GPX7: variants seen among roughly 807,000 people sequenced by gnomAD.
GPX7 encodes glutathione peroxidase 7.
GPX7 carries 21 observed loss-of-function variants against 23.7 expected under a neutral mutation model. The observed-to-expected ratio is 0.89, with a 90% CI of 0.63 to 1.28. The LOEUF (loss-of-function observed/expected upper bound fraction) is 1.28. Among genes scored for constraint, GPX7 ranks in the 50% most tolerant of loss-of-function variants. GPX7 has a pLI of 0.00. For missense variants in GPX7, 238 were observed against 237.3 expected, an observed-to-expected ratio of 1.00 and a Z score of -0.02; for synonymous variants, 112 against 101.8, an observed-to-expected ratio of 1.10 and a Z score of -0.61.
chr1:52,606,713 G>A lies in GPX7; in HGVS notation c.168G>A (p.Glu56=). 1 of 1,614,004 alleles carries A rather than the reference G, an allele frequency of 6.2e-7. No homozygotes were observed. Among genetic ancestry groups the A allele is most frequent in the East Asian group, 2.2e-5 (1 of 44,878 alleles). ...SVSLVVNVAS[E]CGFTDQHYRA... The stretch of plus-strand genomic sequence containing the variant: ...CCCTGGTGGTGAATGTGGCCAGCGA[G>A]TGCGGCTTCACAGACCAGCACTACC... The change falls in exon 2 of 3, where the codon GAG becomes GAA. Residue 56 remains glutamate, a synonymous_variant. Coordinates refer to ENST00000361314, the MANE Select transcript of GPX7 (RefSeq NM_015696.5).
chr1:52,608,547 T>C lies in GPX7; in HGVS notation c.*122T>C. ...CTCTCCTTCCTTTACTCTTATGCCA[T>C]TGGTCCCATCATTCTTGTGGGGGAA... On this transcript the variant is annotated 3_prime_UTR_variant, in exon 3 of 3. Transcript: ENST00000361314. 1 of 761,068 alleles carries C rather than the reference T, an allele frequency of 1.3e-6. No homozygotes were observed. The highest frequency in any genetic ancestry group is 1.9e-6 in the Non-Finnish European group (1 of 515,396). The allele number at this position is 761,068 out of a possible 1,614,324, so 47.1% of individuals were successfully genotyped here.
chr1:52,604,113 A>C (rs887382983), intron 1 of GPX7, among the ~76,000 whole-genome samples: 1 of 152,230 alleles, frequency 6.6e-6, no homozygotes, highest in African/African-American at 2.4e-5. Flanking sequence ...GAAAGACAAT[A>C]AACAAGGAAC....
intron 2 of GPX7, among the ~76,000 whole-genome samples, 175 bp from the exon 3 acceptor site, chr1:52,608,087 C>T (rs1422029263): frequency 6.6e-6 from 1 of 152,176 alleles, no homozygotes; most frequent in African/African-American, 2.4e-5. Flanking sequence ...TCCCAGGGGG[C>T]TTTTGAAAAA....
At chr1:52,607,289 T>C (rs36040857) in intron 2 of GPX7, 3,227 of 277,512 alleles carry the variant, frequency 0.012, 102 homozygotes, top group African/African-American at 0.063. Context: ...TATGGACATA[T>C]GATGGAGAAA....
At position 52,608,571 on chromosome 1, in the gene GPX7, A is replaced by G. The variant is rs758332690; in HGVS notation, c.*146A>G. ...ATTGGTCCCATCATTCTTGTGGGGGAAAAATTCTAGTATTTTGATTATTTG... is the reference window on the plus strand; with the variant it reads ...ATTGGTCCCATCATTCTTGTGGGGGGAAAATTCTAGTATTTTGATTATTTG... On this transcript the variant is annotated 3_prime_UTR_variant, in exon 3 of 3. Transcript: ENST00000361314. 6.1e-5 allele frequency: 35 copies of G among 570,310 alleles called. No individual in the cohort carries two copies. Among genetic ancestry groups the G allele is most frequent in the Non-Finnish European group, 8.8e-5 (32 of 365,250 alleles). The allele number at this position is 570,310 out of a possible 1,614,324, so 35.3% of individuals were successfully genotyped here.
intron 1 of GPX7, 111 bp from the exon 2 acceptor site, chr1:52,606,573 C>A: frequency 8.5e-7 from 1 of 1,173,176 alleles, no homozygotes; most frequent in Non-Finnish European, 1.2e-6. Context: ...ATGTGTGAGG[C>A]AGTATTAACT....
rs1690863824 is a variant in GPX7 at position 52,607,190 on chromosome 1, G to T, written c.400+245G>T. 6 of 550,426 alleles carry T rather than the reference G, an allele frequency of 1.1e-5. No homozygotes were observed. The South Asian group carries it at 1.6e-4, about 14-fold the overall frequency. The allele number at this position is 550,426 out of a possible 1,614,324, so 34.1% of individuals were successfully genotyped here. The stretch of plus-strand genomic sequence containing the variant: ...GCTGCCTCTCACTTGTCCCTCAGAA[G>T]TCACTCTTTTGGACTTTTCTGGGAT... On this transcript the variant is annotated intron_variant, in intron 2 of 2. Transcript: ENST00000361314.
At chr1:52,607,846 T>C (rs897493619) in intron 2 of GPX7, among the ~76,000 whole-genome samples, 2 of 150,554 alleles carry the variant, frequency 1.3e-5, no homozygotes, top group Non-Finnish European at 3.0e-5. Flanking sequence ...TGAGACCTAC[T>C]GAAGCAGGGC....
intron 2 of GPX7, chr1:52,607,229 T>C: frequency 2.1e-6 from 1 of 484,944 alleles, no homozygotes. Flanking sequence ...GTTTTCACAT[T>C]CAGGGGCTCC....
chr1:52,606,678 A>C lies in GPX7; in HGVS notation c.139-6A>C, dbSNP rs760474405. 7 of 1,611,796 alleles carry C rather than the reference A, an allele frequency of 4.3e-6. No individual in the cohort carries two copies. The highest frequency in any genetic ancestry group is 3.3e-4 in the Middle Eastern group (2 of 6,052). ...GGCTTTGTTTTGTTTTGTTTCTGTCATACAGGTGTCCCTGGTGGTGAATGT... is the reference window on the plus strand; with the variant it reads ...GGCTTTGTTTTGTTTTGTTTCTGTCCTACAGGTGTCCCTGGTGGTGAATGT... On this transcript the variant is annotated splice_region_variant and splice_polypyrimidine_tract_variant and intron_variant, in intron 1 of 2. Transcript: ENST00000361314.
chr1:52,602,557 C>T lies in GPX7; in HGVS notation c.138+10C>T. The T allele has an allele frequency of 6.5e-7, 1 of 1,537,218 alleles. No individual in the cohort carries two copies. The highest frequency in any genetic ancestry group is 8.7e-7 in the Non-Finnish European group (1 of 1,144,984). On this transcript the variant is annotated intron_variant, in intron 1 of 2. Coordinates refer to ENST00000361314, the MANE Select transcript of GPX7 (RefSeq NM_015696.5). ...GAAGTACCGCGGATCGGTGAGTGCG[C>T]GGGGTCTGGCGGCGCCGCTGGGCCC...
At position 52,605,225 on chromosome 1, in the gene GPX7, G is replaced by A. The variant is rs1175745673; in HGVS notation, c.139-1459G>A. ...GAGGAGGTTGTTCTAATAGCCAGTG[G>A]CCCCAGGCATGGGTCCTTTCTCACC... On this transcript the variant is annotated intron_variant, in intron 1 of 2. Transcript: ENST00000361314. Among the ~76,000 whole-genome samples the A allele has an allele frequency of 1.4e-4, 22 of 152,006 alleles. 1 individual carries two copies. The highest frequency in any genetic ancestry group is 1.4e-3 in the Admixed American group (22 of 15,236).
chr1:52,603,192 G>A (rs1690820487), intron 1 of GPX7, among the ~76,000 whole-genome samples: 1 of 152,184 alleles, frequency 6.6e-6, no homozygotes, highest in Non-Finnish European at 1.5e-5. Flanking sequence ...GTCCTTAGAT[G>A]GCAGCTCAGG....
Position 52,608,401 on chromosome 1 carries a change from C to T in GPX7, c.540C>T (p.Ile180=). ...PQITALVRKL[I]LLKREDL is the part of the protein sequence containing the mutation. ...TCACAGCGCTCGTGAGGAAGCTCAT[C>T]CTACTGAAGCGAGAAGACTTATAAC... is the stretch of plus-strand genomic sequence containing the variant. The change falls in exon 3 of 3, where the codon ATC becomes ATT. Residue 180 remains isoleucine (I), a synonymous_variant. Transcript: ENST00000361314. 6.2e-7 allele frequency: 1 copy of T among 1,612,732 alleles called. No individual in the cohort carries two copies. Among genetic ancestry groups the T allele is most frequent in the Non-Finnish European group, 8.5e-7 (1 of 1,179,524 alleles).
chr1:52,606,342 T>C lies in GPX7; in HGVS notation c.139-342T>C, dbSNP rs138449983. The stretch of plus-strand genomic sequence containing the variant: ...CCCCAGTCTGTGGATGTGCTGTGTG[T>C]GTGGGCATGTGTGGTGTTTGCTAAC... On this transcript the variant is annotated intron_variant, in intron 1 of 2. Coordinates refer to ENST00000361314, the MANE Select transcript of GPX7 (RefSeq NM_015696.5). 4.4e-3 allele frequency among the ~76,000 whole-genome samples: 667 copies of C among 152,272 alleles called. 5 individuals carry two copies. Among genetic ancestry groups the C allele is most frequent in the African/African-American group, 0.015 (639 of 41,558 alleles).
chr1:52,606,788 G>T lies in GPX7; in HGVS notation c.243G>T (p.Val81=). Residue 81 remains valine (V), a synonymous_variant, in exon 2 of 3, where the codon GTG becomes GTT. Coordinates refer to ENST00000361314, the MANE Select transcript of GPX7 (RefSeq NM_015696.5). ...QRDLGPHHFN[V]LAFPCNQFGQ... is the part of the protein sequence containing the mutation. Reference sequence around the variant, plus strand: ...ACCTGGGCCCCCACCACTTTAACGTGCTCGCCTTCCCCTGCAACCAGTTTG... The same window carrying T: ...ACCTGGGCCCCCACCACTTTAACGTTCTCGCCTTCCCCTGCAACCAGTTTG... 6.2e-7 allele frequency: 1 copy of T among 1,614,192 alleles called. No individual in the cohort carries two copies. The highest frequency in any genetic ancestry group is 1.1e-5 in the South Asian group (1 of 91,084).
chr1:52,606,435 A>G (rs1316669107), intron 1 of GPX7, among the ~76,000 whole-genome samples: 1 of 152,076 alleles, frequency 6.6e-6, no homozygotes, highest in Non-Finnish European at 1.5e-5. Flanking sequence ...ACAGATGTTC[A>G]TGTATGTGTG....
chr1:52,602,541 C>T lies in GPX7; in HGVS notation c.132C>T (p.Arg44=), dbSNP rs753894969. 17 of 1,558,090 alleles carry T rather than the reference C, an allele frequency of 1.1e-5. No individual in the cohort carries two copies. Among genetic ancestry groups the T allele is most frequent in the East Asian group, 2.7e-5 (1 of 37,572 alleles). The change falls in exon 1 of 3, where the codon CGC becomes CGT. Residue 44 remains arginine (R), a synonymous_variant. Coordinates refer to ENST00000361314, the MANE Select transcript of GPX7 (RefSeq NM_015696.5). ...RGKLVSLEKY[R]GSVSLVVNVA... The stretch of plus-strand genomic sequence containing the variant: ...AACTGGTGTCGCTGGAGAAGTACCG[C>T]GGATCGGTGAGTGCGCGGGGTCTGG...
intron 1 of GPX7, among the ~76,000 whole-genome samples, chr1:52,605,983 T>C (rs1459224613): frequency 6.6e-6 from 1 of 152,012 alleles, no homozygotes; most frequent in Non-Finnish European, 1.5e-5. Context: ...ACAAAAGTGG[T>C]GTTAGTTCTC....
Sources: allele counts gnomAD v4.1 joint callset (sites outside exome capture counted in the v4.1 genomes callset), GRCh38; gene constraint gnomAD v4.1.1; transcripts MANE v1.5; gene names NCBI Gene and HGNC (gene_info 2026-07-23, HGNC 2026-07-21).